Variants in ADAMTSL1 observed in about 807,000 individuals in gnomAD.
ADAMTSL1 encodes the protein ADAMTS-like protein 1.
In ADAMTSL1, 126 loss-of-function variants were observed where a neutral mutation model predicts 201.8. That is an observed-to-expected ratio of 0.62 (90% CI 0.54 to 0.72). The LOEUF (loss-of-function observed/expected upper bound fraction) is 0.72. Ranked by LOEUF, ADAMTSL1 falls within the 30% of genes least tolerant of loss-of-function variation. The pLI is 0.00. For synonymous variants in ADAMTSL1, 1,121 were observed against 903.4 expected (o/e 1.24, Z -4.32); for missense variants, 2,679 against 2,277.8 (o/e 1.18, Z -3.59).
At chr9:17,943,574 G>T (rs989077805) in intron 1 of ADAMTSL1, among the ~76,000 whole-genome samples, 1 of 151,960 alleles carries the variant, frequency 6.6e-6, no homozygotes, top group Non-Finnish European at 1.5e-5. Context: ...TTTTCTACAT[G>T]GTATGAATAG....
chr9:18,842,332 A>G (rs1020737010), intron 23 of ADAMTSL1, among the ~76,000 whole-genome samples: 2 of 151,950 alleles, frequency 1.3e-5, no homozygotes, highest in African/African-American at 4.8e-5. Flanking sequence ...TTCAGTTTCC[A>G]TGTAGTTGAG....
At chr9:18,326,552 A>C (rs566883442) in intron 2 of ADAMTSL1, among the ~76,000 whole-genome samples, 6 of 152,238 alleles carry the variant, frequency 3.9e-5, no homozygotes, top group Admixed American at 6.5e-5. Flanking sequence ...GTAAGAAAAT[A>C]CATTTTATTA....
intron 1 of ADAMTSL1, among the ~76,000 whole-genome samples, chr9:17,942,188 CTGTT>C (rs1399225417): frequency 6.6e-6 from 1 of 152,028 alleles, no homozygotes; most frequent in East Asian, 1.9e-4. Context: ...TACTGAGTGT[CTGTT>C]TGGGATGATG....
chr9:18,418,179 A>C (rs1055999499), intron 2 of ADAMTSL1, among the ~76,000 whole-genome samples: 3 of 152,230 alleles, frequency 2.0e-5, no homozygotes, highest in Non-Finnish European at 2.9e-5. Flanking sequence ...AGCTAGGAAA[A>C]GAAGGGAGTT....
At chr9:18,462,576 G>A (rs1054706551) in intron 2 of ADAMTSL1, among the ~76,000 whole-genome samples, 3 of 152,166 alleles carry the variant, frequency 2.0e-5, no homozygotes, top group Admixed American at 6.5e-5. Context: ...GACAGACCTA[G>A]AAAGACCTAT....
chr9:17,983,139 T>C (rs917968069), intron 1 of ADAMTSL1, among the ~76,000 whole-genome samples: 2 of 144,740 alleles, frequency 1.4e-5, no homozygotes, highest in Non-Finnish European at 3.0e-5. Context: ...GCACGATCTC[T>C]GCTCACTGCA....
intron 1 of ADAMTSL1, among the ~76,000 whole-genome samples, chr9:18,027,288 T>C (rs7033195): frequency 0.55 from 82,713 of 151,268 alleles, 22,837 homozygotes; most frequent in African/African-American, 0.61. Flanking sequence ...TTTTCTAATT[T>C]CTCTAGGCGC....
intron 19 of ADAMTSL1, 113 bp from the exon 20 acceptor site, chr9:18,795,284 T>C (rs1331216093): frequency 2.9e-5 from 40 of 1,402,584 alleles, no homozygotes; most frequent in Middle Eastern, 2.1e-4. Context: ...GTCTCTGTTG[T>C]TAAAACAGGG....
chr9:18,263,137 A>G (rs368521478), intron 2 of ADAMTSL1, among the ~76,000 whole-genome samples: 267 of 152,336 alleles, frequency 1.8e-3, no homozygotes, highest in Non-Finnish European at 2.2e-3. Context: ...AATGGTTGGC[A>G]CATGAGAAGC....
chr9:18,604,188 G>A (rs3927893), intron 4 of ADAMTSL1, among the ~76,000 whole-genome samples: 103,667 of 152,088 alleles, frequency 0.68, 35,560 homozygotes, highest in East Asian at 0.76. Context: ...GGTTTAAGGA[G>A]GCAATAACAT....
chr9:18,844,773 A>T (rs902108124), intron 23 of ADAMTSL1, among the ~76,000 whole-genome samples: 1 of 152,106 alleles, frequency 6.6e-6, no homozygotes, highest in Non-Finnish European at 1.5e-5. Context: ...TTGCTGCCGC[A>T]TTGCAGTTTG....
At chr9:18,713,351 A>G (rs897905155) in intron 14 of ADAMTSL1, among the ~76,000 whole-genome samples, 1 of 152,154 alleles carries the variant, frequency 6.6e-6, no homozygotes, top group African/African-American at 2.4e-5. Flanking sequence ...TATTCAGGAA[A>G]CCCATCTCAC....
intron 2 of ADAMTSL1, among the ~76,000 whole-genome samples, chr9:18,389,859 C>T (rs900349471): frequency 2.6e-5 from 4 of 152,024 alleles, no homozygotes; most frequent in African/African-American, 7.2e-5. Context: ...AGATATATAG[C>T]TTAAATGCCA....
intron 2 of ADAMTSL1, among the ~76,000 whole-genome samples, chr9:18,431,311 C>CAG (rs1819480542): frequency 6.6e-6 from 1 of 152,176 alleles, no homozygotes; most frequent in South Asian, 2.1e-4. Flanking sequence ...CTGGCACTGT[C>CAG]AGAGGCAAAT....
At chr9:18,710,869 T>A (rs1351316459) in intron 14 of ADAMTSL1, among the ~76,000 whole-genome samples, 2 of 152,078 alleles carry the variant, frequency 1.3e-5, no homozygotes, top group Non-Finnish European at 2.9e-5. Context: ...CAGCAATACT[T>A]ACTGAATATT....
chr9:18,371,267 T>TAA (rs765537666), intron 2 of ADAMTSL1, among the ~76,000 whole-genome samples: 1 of 152,208 alleles, frequency 6.6e-6, no homozygotes, highest in Non-Finnish European at 1.5e-5. Context: ...CTTTTTGATA[T>TAA]AAAGTTCAGC....
intron 1 of ADAMTSL1, among the ~76,000 whole-genome samples, chr9:17,920,242 A>G (rs571066752): frequency 6.6e-6 from 1 of 152,280 alleles, no homozygotes; most frequent in Admixed American, 6.5e-5. Flanking sequence ...CATAATAACA[A>G]TCAGAGTCAG....
intron 2 of ADAMTSL1, among the ~76,000 whole-genome samples, chr9:18,456,242 G>C (rs1820596950): frequency 6.6e-6 from 1 of 152,120 alleles, no homozygotes; most frequent in Non-Finnish European, 1.5e-5. Context: ...TTATTCCTCA[G>C]ACTCTAGCGA....
At chr9:18,455,860 T>TTATG (rs1820582509) in intron 2 of ADAMTSL1, among the ~76,000 whole-genome samples, 1 of 151,520 alleles carries the variant, frequency 6.6e-6, no homozygotes, top group African/African-American at 2.4e-5. Context: ...TTCAAGGATC[T>TTATG]TATGTTAATA....
Sources: allele counts gnomAD v4.1 joint callset (sites outside exome capture counted in the v4.1 genomes callset), GRCh38; gene constraint gnomAD v4.1.1; transcripts MANE v1.5; gene names NCBI Gene and HGNC (gene_info 2026-07-23, HGNC 2026-07-21).